The following USH2A variants were observed in gnomAD, a reference collection of about 807,000 sequenced individuals.
USH2A encodes Usher syndrome 2A (autosomal recessive, mild).
In USH2A, 443 loss-of-function variants were observed where a neutral mutation model predicts 538.9. The ratio of observed to expected loss-of-function variants is 0.82; its 90% CI spans 0.76 to 0.89. The LOEUF (loss-of-function observed/expected upper bound fraction) is 0.89. Among genes scored for constraint, USH2A ranks in the 40% least tolerant of loss-of-function variants. The probability of loss-of-function intolerance (pLI) is 0.00; values close to 1 mark genes in which losing one functional copy is unlikely to be tolerated. For missense variants in USH2A, 6,633 were observed against 6,324.8 expected (o/e 1.05, Z -1.65); for synonymous variants, 2,413 against 2,273.5 (o/e 1.06, Z -1.75).
Position 215,961,071 on chromosome 1 carries a change from C to T in USH2A, c.7120+4246G>A, listed in dbSNP as rs1037959701. 5.9e-5 allele frequency among the ~76,000 whole-genome samples: 9 copies of T among 151,880 alleles called. No homozygotes were observed. The East Asian group carries it at 1.7e-3, about 29-fold the overall frequency. ...TTATCATTTTCCCCTGGTAAGATGC[C>T]TGCATTTTAGAGAAAATGACAATAA... On this transcript the variant is annotated intron_variant, in intron 37 of 71. Coordinates refer to ENST00000307340, the MANE Select transcript of USH2A (RefSeq NM_206933.4).
intron 2 of USH2A, among the ~76,000 whole-genome samples, chr1:216,421,364 T>C (rs1026621827): frequency 6.6e-6 from 1 of 152,238 alleles, no homozygotes; most frequent in South Asian, 2.1e-4. Context: ...ACATCTTCCA[T>C]GAGTCAAACA....
At chr1:215,967,201 C>T (rs897418732) in intron 36 of USH2A, among the ~76,000 whole-genome samples, 1 of 152,146 alleles carries the variant, frequency 6.6e-6, no homozygotes, top group African/African-American at 2.4e-5. Flanking sequence ...TGGAGTCTCA[C>T]TCTGTCTCCA....
At chr1:215,670,318 A>G (rs1657772351) in intron 64 of USH2A, among the ~76,000 whole-genome samples, 1 of 152,174 alleles carries the variant, frequency 6.6e-6, no homozygotes, top group Non-Finnish European at 1.5e-5. Flanking sequence ...GGGTGGGGGA[A>G]GCACATTCTC....
chr1:215,778,904 G>T (rs1333127096), intron 55 of USH2A, among the ~76,000 whole-genome samples: 2 of 152,206 alleles, frequency 1.3e-5, no homozygotes, highest in East Asian at 3.8e-4. Context: ...TGGTGATGGA[G>T]AATCAAATTG....
At chr1:215,639,294 G>A in intron 68 of USH2A, 56 bp from the exon 69 acceptor site, 1 of 1,552,226 alleles carries the variant, frequency 6.4e-7, no homozygotes, top group Non-Finnish European at 8.9e-7. Context: ...TACAAATAGG[G>A]CACATGCTTT....
At chr1:216,216,100 C>T (rs577705966) in intron 15 of USH2A, among the ~76,000 whole-genome samples, 2 of 152,020 alleles carry the variant, frequency 1.3e-5, no homozygotes, top group South Asian at 4.1e-4. Flanking sequence ...AAGGAATATG[C>T]TAGAATTTTT....
chr1:215,845,874 C>T lies in USH2A; in HGVS notation c.9005G>A (p.Gly3002Glu). ...TCCTGCACTGTTGATGCTGTGGACT[C>T]CATTGAAGACAGAGATAAAGATCCA... Reference protein sequence around the residue: ...EYWIFISVFNGVHSINSAGLH... With the variant: ...EYWIFISVFNEVHSINSAGLH... Residue 3002 changes from glycine (G) to glutamate (E), a missense_variant, in exon 45 of 72, where the codon GGA becomes GAA. Coordinates refer to ENST00000307340, the MANE Select transcript of USH2A (RefSeq NM_206933.4). 1 of 1,613,840 alleles carries T rather than the reference C, an allele frequency of 6.2e-7. No homozygotes were observed. Among genetic ancestry groups the T allele is most frequent in the Non-Finnish European group, 8.5e-7 (1 of 1,179,910 alleles).
At chr1:215,901,062 C>T in intron 38 of USH2A, 157 bp from the exon 39 acceptor site, 1 of 881,530 alleles carries the variant, frequency 1.1e-6, no homozygotes. Context: ...TCCTGAACTC[C>T]TGTACTTCCT....
chr1:215,943,761 G>A (rs1666693290), intron 37 of USH2A, among the ~76,000 whole-genome samples: 1 of 152,262 alleles, frequency 6.6e-6, no homozygotes, highest in South Asian at 2.1e-4. Flanking sequence ...GAAGGCATAA[G>A]CTGGTCTGGG....
chr1:215,640,846 A>C (rs1332517603), intron 67 of USH2A, 112 bp from the exon 68 acceptor site: 3 of 105,592 alleles, frequency 2.8e-5, no homozygotes, highest in Non-Finnish European at 3.0e-5. Flanking sequence ...AATCCAAACA[A>C]AAAAAAAAAA....
At chr1:215,955,793 G>T (rs1004805614) in intron 37 of USH2A, among the ~76,000 whole-genome samples, 1 of 152,142 alleles carries the variant, frequency 6.6e-6, no homozygotes, top group Non-Finnish European at 1.5e-5. Flanking sequence ...TATGTTTGAT[G>T]TGGGCTGTTC....
rs111033508 is a variant in USH2A, at chr1:215,965,377, G to A, written c.7060C>T (p.Arg2354Cys). 513 of 1,613,902 alleles carry A rather than the reference G, an allele frequency of 3.2e-4. 1 individual carries two copies. The African/African-American group carries it at 3.5e-3, about 11-fold the overall frequency. ...GAGTGTGTTAAGAGTCCATTAGGGCGAAAAGGTGCTTCCCACCTCACGTGG... is the reference window on the plus strand; with the variant it reads ...GAGTGTGTTAAGAGTCCATTAGGGCAAAAAGGTGCTTCCCACCTCACGTGG... ...KAHVRWEAPF[R>C]PNGLLTHSVL... Residue 2354 changes from arginine to cysteine, a missense_variant, in exon 37 of 72, where the codon CGC becomes TGC. Physicochemically the swap from Arg to Cys is radical, Grantham distance 180 (BLOSUM62 -3). Transcript: ENST00000307340.
chr1:216,396,129 A>G (rs2039207171), intron 3 of USH2A, among the ~76,000 whole-genome samples: 1 of 152,212 alleles, frequency 6.6e-6, no homozygotes, highest in African/African-American at 2.4e-5. Context: ...AAAATCTGTA[A>G]TCGCAGTAAA....
chr1:216,346,484 G>T (rs2038178108), intron 4 of USH2A, among the ~76,000 whole-genome samples: 1 of 151,964 alleles, frequency 6.6e-6, no homozygotes, highest in African/African-American at 2.4e-5. Context: ...AAAGAGCTTT[G>T]GTATGCAATA....
chr1:216,104,222 C>G (rs989717085), intron 21 of USH2A, among the ~76,000 whole-genome samples: 3 of 151,860 alleles, frequency 2.0e-5, no homozygotes, highest in South Asian at 2.1e-4. Context: ...CCTCCTCCCC[C>G]CACCCCACAA....
At chr1:216,330,788 A>C (rs2037845094) in intron 4 of USH2A, among the ~76,000 whole-genome samples, 1 of 152,054 alleles carries the variant, frequency 6.6e-6, no homozygotes, top group Non-Finnish European at 1.5e-5. Context: ...TAGGAAGATA[A>C]GAGTAGAAGC....
intron 25 of USH2A, among the ~76,000 whole-genome samples, chr1:216,084,143 A>G (rs925401892): frequency 1.3e-5 from 2 of 152,018 alleles, no homozygotes; most frequent in African/African-American, 4.8e-5. Context: ...CAGAGACTCA[A>G]TGTGCATGCA....
At chr1:215,928,994 C>T (rs895446027) in intron 38 of USH2A, among the ~76,000 whole-genome samples, 1 of 151,830 alleles carries the variant, frequency 6.6e-6, no homozygotes, top group Admixed American at 6.6e-5. Flanking sequence ...AGCATATTGG[C>T]TGAACAACTA....
chr1:216,241,414 T>C (rs2035935834), intron 13 of USH2A, among the ~76,000 whole-genome samples: 2 of 152,228 alleles, frequency 1.3e-5, no homozygotes, highest in African/African-American at 4.8e-5. Context: ...ACTCAAATTA[T>C]GTTAAACAAT....
Sources: allele counts gnomAD v4.1 joint callset (sites outside exome capture counted in the v4.1 genomes callset), GRCh38; gene constraint gnomAD v4.1.1; transcripts MANE v1.5; gene names NCBI Gene and HGNC (gene_info 2026-07-23, HGNC 2026-07-21).